The following GAS2 variants were observed in gnomAD, a reference collection of about 807,000 sequenced individuals.
GAS2 encodes the protein growth arrest specific 2, also known as growth arrest-specific protein 2.
Under a neutral mutation model 37.5 loss-of-function variants are expected in GAS2, and 20 were observed. The ratio of observed to expected loss-of-function variants is 0.53; its 90% CI spans 0.37 to 0.77. GAS2 has a LOEUF of 0.77. Ranked by LOEUF, GAS2 falls within the 30% of genes least tolerant of loss-of-function variation. GAS2 has a pLI of 0.00. For missense variants in GAS2, 336 were observed against 373.4 expected (o/e 0.90, Z 0.82); for synonymous variants, 144 against 132.2 (o/e 1.09, Z -0.61).
At chr11:22,640,035 A>G (rs1037713601) in intron 1 of GAS2, among the ~76,000 whole-genome samples, 1 of 152,226 alleles carries the variant, frequency 6.6e-6, no homozygotes, top group African/African-American at 2.4e-5. Context: ...TCCATCATAG[A>G]CAAAGGGCCC....
chr11:22,719,241 G>T (rs1851832608), intron 3 of GAS2, among the ~76,000 whole-genome samples: 1 of 151,906 alleles, frequency 6.6e-6, no homozygotes, highest in Non-Finnish European at 1.5e-5. Flanking sequence ...TAGTCACCAG[G>T]TTGTACAATA....
chr11:22,732,775 TCA>T (rs1474533603), intron 4 of GAS2, among the ~76,000 whole-genome samples: 1 of 104,494 alleles, frequency 9.6e-6, no homozygotes, highest in Non-Finnish European at 2.2e-5. Context: ...CCATTTATCA[TCA>T]TCATCATCAT....
At chr11:22,745,044 A>C (rs542185672) in intron 5 of GAS2, among the ~76,000 whole-genome samples, 1 of 150,630 alleles carries the variant, frequency 6.6e-6, no homozygotes, top group Non-Finnish European at 1.5e-5. Flanking sequence ...TATAAATTCC[A>C]CACCATTTCT....
intron 1 of GAS2, among the ~76,000 whole-genome samples, chr11:22,671,590 C>T (rs999041472): frequency 3.3e-5 from 5 of 152,034 alleles, no homozygotes; most frequent in African/African-American, 1.2e-4. Flanking sequence ...TAAAAAGTTA[C>T]CCCTTGGCAT....
chr11:22,641,252 A>C (rs1404343725), intron 1 of GAS2, among the ~76,000 whole-genome samples: 1 of 144,414 alleles, frequency 6.9e-6, no homozygotes, highest in African/African-American at 2.5e-5. Flanking sequence ...GTATATATAT[A>C]TATCTTTATA....
intron 1 of GAS2, among the ~76,000 whole-genome samples, chr11:22,656,688 G>T (rs1848859228): frequency 6.6e-6 from 1 of 152,160 alleles, no homozygotes; most frequent in African/African-American, 2.4e-5. Flanking sequence ...AGCTGGAGAA[G>T]ACTGCTAAGA....
At position 22,811,881 on chromosome 11, in the gene GAS2, C is replaced by A; in HGVS notation, c.807C>A (p.Cys269Ter). The A allele has an allele frequency of 6.2e-7, 1 of 1,614,098 alleles. No individual in the cohort carries two copies. The highest frequency in any genetic ancestry group is 1.1e-5 in the South Asian group (1 of 91,078). The change falls in exon 8 of 8, where the codon TGC (cysteine) becomes TGA (stop). Residue 269 changes from cysteine to a stop codon, truncating the protein, a stop_gained. Transcript: ENST00000454584. LOFTEE classifies it high-confidence loss of function. ...GGTATTTGTTGAAACACGACCCCTGCCGAATGCTGCAGATCTCCCGTGTGG... is the reference window on the plus strand; with the variant it reads ...GGTATTTGTTGAAACACGACCCCTGACGAATGCTGCAGATCTCCCGTGTGG... ...FAGYLLKHDP[C>*]RMLQISRVDG...
intron 2 of GAS2, among the ~76,000 whole-genome samples, chr11:22,681,989 AAT>A (rs966930037): frequency 4.6e-5 from 7 of 152,044 alleles, no homozygotes; most frequent in African/African-American, 1.4e-4. Context: ...TTGGAAGGAA[AAT>A]ATGTTACACA....
intron 3 of GAS2, among the ~76,000 whole-genome samples, chr11:22,697,814 A>T (rs1467967673): frequency 5.9e-5 from 9 of 152,182 alleles, no homozygotes; most frequent in Non-Finnish European, 1.3e-4. Flanking sequence ...GACTTTGCTG[A>T]AGTTGTTTAT....
At chr11:22,652,957 C>CTTTCTTTGTCTTTT (rs1848803841) in intron 1 of GAS2, among the ~76,000 whole-genome samples, 1 of 151,582 alleles carries the variant, frequency 6.6e-6, no homozygotes, top group African/African-American at 2.4e-5. Context: ...CAACCTCTTT[C>CTTTCTTTGTCTTTT]TTTCTTTGTC....
At chr11:22,681,357 C>A (rs1366803796) in intron 2 of GAS2, among the ~76,000 whole-genome samples, 2 of 152,116 alleles carry the variant, frequency 1.3e-5, no homozygotes, top group Non-Finnish European at 2.9e-5. Context: ...CAACTAGCCA[C>A]AATATTTAAT....
chr11:22,768,219 G>A (rs12226338), intron 7 of GAS2, among the ~76,000 whole-genome samples: 26,879 of 151,980 alleles, frequency 0.18, 2,319 homozygotes, highest in East Asian at 0.23. Context: ...TGTTGTCCTA[G>A]GAATATATCA....
intron 7 of GAS2, among the ~76,000 whole-genome samples, chr11:22,806,194 G>A (rs964981803): frequency 2.0e-5 from 3 of 152,012 alleles, no homozygotes; most frequent in South Asian, 2.1e-4. Flanking sequence ...AAATCATATG[G>A]TATTTTTATC....
chr11:22,677,600 G>A (rs1849488530), intron 2 of GAS2, among the ~76,000 whole-genome samples: 1 of 152,128 alleles, frequency 6.6e-6, no homozygotes, highest in Non-Finnish European at 1.5e-5. Context: ...AGTGAGTGTG[G>A]TCATTTACAA....
intron 4 of GAS2, 87 bp from the exon 5 acceptor site, chr11:22,737,618 G>A (rs1011623311): frequency 2.4e-5 from 29 of 1,216,134 alleles, no homozygotes; most frequent in Non-Finnish European, 3.2e-5. Context: ...CTGGGAGCAC[G>A]AGGAATGAGG....
At chr11:22,720,474 T>G (rs1442647110) in intron 3 of GAS2, among the ~76,000 whole-genome samples, 1 of 152,030 alleles carries the variant, frequency 6.6e-6, no homozygotes, top group East Asian at 1.9e-4. Context: ...AGCCACTTGG[T>G]TGTTATAGTT....
intron 7 of GAS2, among the ~76,000 whole-genome samples, chr11:22,777,953 A>T (rs181291688): frequency 2.0e-5 from 3 of 152,210 alleles, no homozygotes; most frequent in African/African-American, 7.2e-5. Context: ...TGCTATGTGC[A>T]TTCACAAAAA....
intron 1 of GAS2, among the ~76,000 whole-genome samples, chr11:22,633,600 G>T (rs1427642138): frequency 6.6e-6 from 1 of 152,222 alleles, no homozygotes; most frequent in Admixed American, 6.5e-5. Context: ...GCTAAAGCAG[G>T]TGTGGAATGC....
chr11:22,634,539 CT>C (rs1356365803), intron 1 of GAS2, among the ~76,000 whole-genome samples: 16 of 152,188 alleles, frequency 1.1e-4, no homozygotes, highest in Non-Finnish European at 2.1e-4. Flanking sequence ...GACTCAAGGC[CT>C]GCAGTCTGGA....
Sources: gnomAD v4.1 joint callset for allele counts (sites outside exome capture counted in the v4.1 genomes callset) on GRCh38, gnomAD v4.1.1 for gene constraint, MANE v1.5 for transcripts, NCBI Gene and HGNC (gene_info 2026-07-23, HGNC 2026-07-21) for gene names.